The following CDH13 variants were observed in gnomAD, a reference collection of about 807,000 sequenced individuals.
CDH13 encodes the protein cadherin-13.
In CDH13, 24 loss-of-function variants were observed where a neutral mutation model predicts 63.8. That is an observed-to-expected ratio of 0.38 (90% CI 0.27 to 0.53). The LOEUF (loss-of-function observed/expected upper bound fraction) is 0.53. Ranked by LOEUF, CDH13 falls within the 20% of genes least tolerant of loss-of-function variation. The pLI, the probability that CDH13 is intolerant of heterozygous loss-of-function variation, is 0.85. For missense variants in CDH13, 1,049 were observed against 903.1 expected, an observed-to-expected ratio of 1.16 and a Z score of -2.07; for synonymous variants, 503 against 355.3, an observed-to-expected ratio of 1.42 and a Z score of -4.67.
intron 2 of CDH13, among the ~76,000 whole-genome samples, chr16:82,948,795 C>G (rs754681927): frequency 2.6e-5 from 4 of 152,116 alleles, no homozygotes; most frequent in Non-Finnish European, 5.9e-5. Flanking sequence ...ACTAATCTTC[C>G]TGGTTTGAAT....
intron 1 of CDH13, among the ~76,000 whole-genome samples, chr16:82,782,965 G>C (rs772290959): frequency 2.6e-5 from 4 of 152,158 alleles, no homozygotes; most frequent in Non-Finnish European, 5.9e-5. Context: ...CATAGACTTT[G>C]TGGAGCTTTC....
At chr16:83,020,526 G>A (rs1235311717) in intron 2 of CDH13, among the ~76,000 whole-genome samples, 1 of 152,148 alleles carries the variant, frequency 6.6e-6, no homozygotes, top group Non-Finnish European at 1.5e-5. Flanking sequence ...CAAAAATGGG[G>A]CCACCCTGCT....
In CDH13 at chr16:83,634,514, C is replaced by T. The variant is rs554127867; in HGVS notation, c.1101+31920C>T. Among the ~76,000 whole-genome samples, 4 of 151,958 alleles carry T rather than the reference C, an allele frequency of 2.6e-5. No homozygotes were observed. In the East Asian group the frequency reaches 5.8e-4, roughly 22 times the overall value. Reference sequence around the variant, plus strand: ...CTCCCAGGTTTAAGCCATTCTCCTGCCTCAGCCTCCTGAATAGCTGGGACT... The same window carrying T: ...CTCCCAGGTTTAAGCCATTCTCCTGTCTCAGCCTCCTGAATAGCTGGGACT... On this transcript the variant is annotated intron_variant, in intron 8 of 13. Coordinates refer to ENST00000567109, the MANE Select transcript of CDH13 (RefSeq NM_001257.5).
chr16:83,684,907 G>T (rs1240466116), intron 10 of CDH13, among the ~76,000 whole-genome samples: 1 of 152,062 alleles, frequency 6.6e-6, no homozygotes, highest in Non-Finnish European at 1.5e-5. Context: ...CATAAAGTAG[G>T]TCTAGAGCAG....
intron 7 of CDH13, among the ~76,000 whole-genome samples, chr16:83,600,753 G>GT (rs1323536608): frequency 3.9e-5 from 6 of 152,124 alleles, no homozygotes; most frequent in African/African-American, 1.4e-4. Flanking sequence ...TCTGTCCAAC[G>GT]TGAGTTAAGC....
chr16:83,665,273 G>C (rs1913838188), intron 8 of CDH13, among the ~76,000 whole-genome samples: 1 of 152,022 alleles, frequency 6.6e-6, no homozygotes, highest in Non-Finnish European at 1.5e-5. Flanking sequence ...AGAGTCACAG[G>C]GGTTTAAACC....
At chr16:82,860,070 C>A (rs959888150) in intron 2 of CDH13, among the ~76,000 whole-genome samples, 5 of 152,108 alleles carry the variant, frequency 3.3e-5, no homozygotes, top group African/African-American at 1.2e-4. Context: ...TCAAACAGAA[C>A]TTGATTTGTG....
intron 8 of CDH13, among the ~76,000 whole-genome samples, chr16:83,632,891 G>A (rs1163117732): frequency 1.3e-5 from 2 of 151,630 alleles, no homozygotes; most frequent in Non-Finnish European, 2.9e-5. Context: ...TTCCGGGAAA[G>A]GGGTGGGCAG....
intron 7 of CDH13, among the ~76,000 whole-genome samples, chr16:83,522,594 C>T (rs1166056579): frequency 6.6e-6 from 1 of 152,202 alleles, no homozygotes; most frequent in African/African-American, 2.4e-5. Context: ...TTATACCGTT[C>T]TATAAATGAA....
chr16:83,551,659 G>A (rs1433710042), intron 7 of CDH13, among the ~76,000 whole-genome samples: 1 of 152,070 alleles, frequency 6.6e-6, no homozygotes, highest in Non-Finnish European at 1.5e-5. Context: ...CACTGTCTTT[G>A]TTTAAGATGT....
chr16:83,792,604 G>A (rs141901921), intron 13 of CDH13, among the ~76,000 whole-genome samples: 38 of 152,248 alleles, frequency 2.5e-4, no homozygotes, highest in African/African-American at 7.7e-4. Flanking sequence ...GCTGCTAAGC[G>A]TCCTCCCATA....
intron 10 of CDH13, chr16:83,728,750 C>A (rs1014447796): frequency 6.6e-6 from 1 of 152,090 alleles, no homozygotes; most frequent in African/African-American, 2.4e-5. Context: ...CGGGTTTTGA[C>A]GAGAGAAATG....
intron 2 of CDH13, among the ~76,000 whole-genome samples, chr16:82,880,409 G>A (rs1343585963): frequency 6.6e-6 from 1 of 152,154 alleles, no homozygotes; most frequent in Admixed American, 6.5e-5. Context: ...GATATTGAAT[G>A]TTTCACCTGC....
At chr16:83,496,311 G>A (rs1476920629) in intron 7 of CDH13, among the ~76,000 whole-genome samples, 1 of 145,760 alleles carries the variant, frequency 6.9e-6, no homozygotes, top group Non-Finnish European at 1.5e-5. Flanking sequence ...CCAAAACAGA[G>A]ATATAGATCA....
intron 6 of CDH13, among the ~76,000 whole-genome samples, chr16:83,393,293 T>C (rs1251823349): frequency 6.6e-6 from 1 of 152,146 alleles, no homozygotes; most frequent in East Asian, 1.9e-4. Context: ...CTCGTGGGAA[T>C]ATTGTTCTTG....
intron 6 of CDH13, among the ~76,000 whole-genome samples, chr16:83,482,654 T>C (rs1033220644): frequency 6.6e-6 from 1 of 152,190 alleles, no homozygotes; most frequent in African/African-American, 2.4e-5. Flanking sequence ...AGCCAAGCAT[T>C]GCACTCAGCA....
rs545042363 is a variant in CDH13, at chr16:83,357,525, C to T, written c.781+12519C>T. Among the ~76,000 whole-genome samples, 7 of 152,230 alleles carry T rather than the reference C, an allele frequency of 4.6e-5. No individual in the cohort carries two copies. The South Asian group carries it at 6.2e-4, about 14-fold the overall frequency. On this transcript the variant is annotated intron_variant, in intron 6 of 13. Transcript: ENST00000567109. ...AAGAGACTACTACTGCTGGCAGAGT[C>T]GTGTTTGCTGATTTCAGACACCATG...
At chr16:82,903,360 G>T (rs543136364) in intron 2 of CDH13, among the ~76,000 whole-genome samples, 1 of 152,314 alleles carries the variant, frequency 6.6e-6, no homozygotes, top group African/African-American at 2.4e-5. Context: ...TTGGAGGCTG[G>T]GTTGGTGTTT....
intron 6 of CDH13, among the ~76,000 whole-genome samples, chr16:83,379,189 C>T (rs28631868): frequency 0.15 from 22,978 of 152,130 alleles, 2,064 homozygotes; most frequent in African/African-American, 0.25. Context: ...CATAAGCATG[C>T]ATTCTGCATC....
Sources: allele counts gnomAD v4.1 joint callset (sites outside exome capture counted in the v4.1 genomes callset), GRCh38; gene constraint gnomAD v4.1.1; transcripts MANE v1.5; gene names NCBI Gene and HGNC (gene_info 2026-07-23, HGNC 2026-07-21).